VIT: variants seen among roughly 807,000 people sequenced by gnomAD.
VIT encodes the protein vitrin.
Under a neutral mutation model 78.0 loss-of-function variants are expected in VIT, and 99 were observed. The ratio of observed to expected loss-of-function variants is 1.27; its 90% CI spans 1.08 to 1.50. The LOEUF is 1.50. Ranked by LOEUF, VIT falls within the 40% of genes most tolerant of loss-of-function variation. The pLI, the probability that VIT is intolerant of heterozygous loss-of-function variation, is 0.00. For missense variants in VIT, 1,126 were observed against 875.3 expected (o/e 1.29, Z -3.61); for synonymous variants, 374 against 334.3 (o/e 1.12, Z -1.29).
At position 36,808,804 on chromosome 2, in the gene VIT, C is replaced by G; in HGVS notation, c.1722C>G (p.Leu574=). 4 of 1,614,176 alleles carry G rather than the reference C, an allele frequency of 2.5e-6. No individual in the cohort carries two copies. The highest frequency in any genetic ancestry group is 3.4e-6 in the Non-Finnish European group (4 of 1,180,008). ...FDKYSSKPDI[L]NAIKRVGYWS... Reference sequence around the variant, plus strand: ...AGTACAGCAGCAAGCCTGACATCCTCAACGCCATCAAGAGGGTGGGCTACT... The same window carrying G: ...AGTACAGCAGCAAGCCTGACATCCTGAACGCCATCAAGAGGGTGGGCTACT... Residue 574 remains leucine, a synonymous_variant, in exon 15 of 16, where the codon CTC becomes CTG. Coordinates refer to ENST00000379242, the MANE Select transcript of VIT (RefSeq NM_053276.4).
intron 14 of VIT, among the ~76,000 whole-genome samples, chr2:36,806,061 C>T (rs1367166476): frequency 1.3e-5 from 2 of 152,134 alleles, no homozygotes; most frequent in Non-Finnish European, 2.9e-5. Context: ...GCCGATTCAT[C>T]AACCTGATAA....
chr2:36,767,091 C>G lies in VIT; in HGVS notation c.488-3C>G, dbSNP rs962439090. 21 of 1,578,268 alleles carry G rather than the reference C, an allele frequency of 1.3e-5. No homozygotes were observed. Among genetic ancestry groups the G allele is most frequent in the Non-Finnish European group, 1.8e-5 (21 of 1,162,856 alleles). ...GCCTTGGTATAATTCCATTTTCTTACAGGTGAGACCACAAAAGCCTATCAG... is the reference window on the plus strand; with the variant it reads ...GCCTTGGTATAATTCCATTTTCTTAGAGGTGAGACCACAAAAGCCTATCAG... On this transcript the variant is annotated splice_polypyrimidine_tract_variant and splice_region_variant and intron_variant, in intron 6 of 15. Coordinates refer to ENST00000379242, the MANE Select transcript of VIT (RefSeq NM_053276.4).
chr2:36,814,285 T>C lies in VIT; in HGVS notation c.2006T>C (p.Phe669Ser). The C allele has an allele frequency of 6.2e-7, 1 of 1,614,236 alleles. No homozygotes were observed. Among genetic ancestry groups the C allele is most frequent in the Non-Finnish European group, 8.5e-7 (1 of 1,180,036 alleles). Residue 669 changes from phenylalanine (F) to serine (S), a missense_variant, in exon 16 of 16, where the codon TTT (phenylalanine) becomes TCT (serine). Phe to Ser is a radical substitution (Grantham distance 155). Transcript: ENST00000379242. ...GACCACTCCTTCTTTGTGGACGAGT[T>C]TGACAACCTCCATCAGTATGTCCCC... is the stretch of plus-strand genomic sequence containing the variant. ...ARDHSFFVDE[F>S]DNLHQYVPRI...
chr2:36,741,618 A>T (rs1667839798), intron 3 of VIT, among the ~76,000 whole-genome samples: 1 of 152,098 alleles, frequency 6.6e-6, no homozygotes, highest in Non-Finnish European at 1.5e-5. Flanking sequence ...GCCATTAGCA[A>T]CTCTGAGACC....
intron 6 of VIT, among the ~76,000 whole-genome samples, chr2:36,765,867 T>A (rs1669397876): frequency 6.6e-6 from 1 of 152,254 alleles, no homozygotes; most frequent in African/African-American, 2.4e-5. Flanking sequence ...TAAATTTCTG[T>A]CATTTTAAGC....
At chr2:36,795,159 A>G (rs555189675) in intron 12 of VIT, among the ~76,000 whole-genome samples, 5 of 152,248 alleles carry the variant, frequency 3.3e-5, no homozygotes, top group Admixed American at 1.3e-4. Context: ...AATCCTCATG[A>G]TCTCTGGATT....
intron 1 of VIT, among the ~76,000 whole-genome samples, chr2:36,700,069 A>G (rs1214329405): frequency 1.3e-5 from 2 of 152,210 alleles, no homozygotes; most frequent in African/African-American, 4.8e-5. Context: ...TAAGCTGTGA[A>G]ACATACCATT....
chr2:36,716,240 G>T (rs914810880), intron 1 of VIT, 113 bp from the exon 2 acceptor site: 24 of 749,278 alleles, frequency 3.2e-5, no homozygotes, highest in Non-Finnish European at 4.6e-5. Context: ...GCCTGGAATC[G>T]TAAGACTCCA....
rs561058614 is a variant in VIT at position 36,797,889 on chromosome 2, AG to A, written c.1059-3411del. Among the ~76,000 whole-genome samples, 135 of 152,314 alleles carry A rather than the reference AG, an allele frequency of 8.9e-4. 1 individual carries two copies. The highest frequency in any genetic ancestry group is 3.0e-3 in the African/African-American group (125 of 41,584). ...CCACATATTATGCACGGTGTTGGTT[AG>A]AGAAAGCTGAGTCAGGCAGAGAGAT... On this transcript the variant is annotated intron_variant, in intron 12 of 15. Transcript: ENST00000379242.
chr2:36,811,093 T>G (rs1251805713), intron 15 of VIT, among the ~76,000 whole-genome samples: 1 of 152,228 alleles, frequency 6.6e-6, no homozygotes, highest in Non-Finnish European at 1.5e-5. Context: ...TCCCGGTGAC[T>G]TACCCTTTAT....
At chr2:36,754,085 C>G (rs1208621525) in intron 4 of VIT, among the ~76,000 whole-genome samples, 1 of 152,174 alleles carries the variant, frequency 6.6e-6, no homozygotes, top group Non-Finnish European at 1.5e-5. Flanking sequence ...AAGTGCTTTA[C>G]ATGTTGAGTA....
intron 12 of VIT, among the ~76,000 whole-genome samples, chr2:36,790,091 T>G (rs1035295810): frequency 6.6e-6 from 1 of 152,078 alleles, no homozygotes; most frequent in Admixed American, 6.5e-5. Context: ...AAATATTAAC[T>G]GGGAAAAAGG....
intron 4 of VIT, among the ~76,000 whole-genome samples, chr2:36,750,133 A>G (rs1668367696): frequency 6.6e-6 from 1 of 152,268 alleles, no homozygotes; most frequent in Admixed American, 6.5e-5. Flanking sequence ...TACGGAATAA[A>G]AATCACTGAA....
At chr2:36,717,853 C>G (rs1303217499) in intron 2 of VIT, among the ~76,000 whole-genome samples, 1 of 152,182 alleles carries the variant, frequency 6.6e-6, no homozygotes, top group Non-Finnish European at 1.5e-5. Flanking sequence ...TCTCCACCCT[C>G]TGGAGACTAG....
intron 2 of VIT, among the ~76,000 whole-genome samples, chr2:36,726,969 G>A (rs1407067964): frequency 6.6e-6 from 1 of 151,968 alleles, no homozygotes; most frequent in Non-Finnish European, 1.5e-5. Context: ...AAAGGAACCA[G>A]ACTTTAAATT....
At chr2:36,748,701 C>G (rs1385119698) in intron 4 of VIT, among the ~76,000 whole-genome samples, 1 of 152,150 alleles carries the variant, frequency 6.6e-6, no homozygotes, top group East Asian at 1.9e-4. Flanking sequence ...CTTCTTTGCC[C>G]CACAGTTTCT....
chr2:36,789,498 G>A (rs775133357), intron 12 of VIT, among the ~76,000 whole-genome samples: 1 of 152,182 alleles, frequency 6.6e-6, no homozygotes, highest in Non-Finnish European at 1.5e-5. Flanking sequence ...ACAACCATCC[G>A]TGGAGCGTGG....
Position 36,805,602 on chromosome 2 carries a change from A to G in VIT, c.1327A>G (p.Thr443Ala). The G allele has an allele frequency of 1.2e-6, 2 of 1,614,116 alleles. No individual in the cohort carries two copies. The highest frequency in any genetic ancestry group is 1.7e-6 in the Non-Finnish European group (2 of 1,180,030). The change falls in exon 14 of 16, where the codon ACC (threonine) becomes GCC (alanine). Residue 443 changes from threonine to alanine, a missense_variant. Transcript: ENST00000379242. ...GTCAGGAATCAACATTTTCTTCATC[A>G]CCATTGAAGGTGCTGCTGAAAATGA... ...RESGINIFFI[T>A]IEGAAENEKQ...
chr2:36,808,288 A>AC (rs1294890132), intron 14 of VIT, among the ~76,000 whole-genome samples, 184 bp from the exon 15 acceptor site: 1 of 152,222 alleles, frequency 6.6e-6, no homozygotes, highest in Non-Finnish European at 1.5e-5. Context: ...TCCAGCGATA[A>AC]CCCGGGGGCT....
Sources: gnomAD v4.1 joint callset for allele counts (sites outside exome capture counted in the v4.1 genomes callset) on GRCh38, gnomAD v4.1.1 for gene constraint, MANE v1.5 for transcripts, NCBI Gene and HGNC (gene_info 2026-07-23, HGNC 2026-07-21) for gene names.